ZFAND6: variants seen among roughly 807,000 people sequenced by gnomAD.
The protein encoded by ZFAND6 is zinc finger AN1-type containing 6.
A neutral mutation model predicts 24.5 loss-of-function variants in ZFAND6; 12 were observed. The ratio of observed to expected loss-of-function variants is 0.49; its 90% confidence interval spans 0.31 to 0.79. The LOEUF (loss-of-function observed/expected upper bound fraction) is 0.79. Ranked by LOEUF, ZFAND6 falls within the 30% of genes least tolerant of loss-of-function variation. The pLI is 0.04. For synonymous variants in ZFAND6, 92 were observed against 81.5 expected, an observed-to-expected ratio of 1.13 and a Z score of -0.69; for missense variants, 207 against 245.9, an observed-to-expected ratio of 0.84 and a Z score of 1.06.
intron 1 of ZFAND6, among the ~76,000 whole-genome samples, chr15:80,077,697 CTTTTT>C (rs11441423): frequency 1.7e-5 from 2 of 115,306 alleles, no homozygotes; most frequent in Non-Finnish European, 3.4e-5. Context: ...AGTTTTCTTT[CTTTTT>C]TTTTTTTTTT....
chr15:80,121,779 C>T lies in ZFAND6; in HGVS notation c.222C>T (p.Ala74=). ...VQCTDGSVPE[A]QSALDSTSSS... ...GCACAGATGGCAGTGTGCCAGAAGC[C>T]CAGTCAGCATTAGACTCTACATCTT... is the stretch of plus-strand genomic sequence containing the variant. The change falls in exon 4 of 7, where the codon GCC becomes GCT. Residue 74 remains alanine (A), a synonymous_variant. Coordinates refer to ENST00000261749, the MANE Select transcript of ZFAND6 (RefSeq NM_019006.4). 6.2e-7 allele frequency: 1 copy of T among 1,613,744 alleles called. No homozygotes were observed. Among genetic ancestry groups the T allele is most frequent in the Admixed American group, 1.7e-5 (1 of 60,002 alleles).
chr15:80,075,472 C>T (rs2037220222), intron 1 of ZFAND6, among the ~76,000 whole-genome samples: 1 of 151,816 alleles, frequency 6.6e-6, no homozygotes, highest in Non-Finnish European at 1.5e-5. Flanking sequence ...TTTTTGGTTT[C>T]CTAGGGAGAG....
chr15:80,086,752 C>A (rs926696641), intron 1 of ZFAND6, among the ~76,000 whole-genome samples: 11 of 152,162 alleles, frequency 7.2e-5, no homozygotes, highest in African/African-American at 2.4e-4. Flanking sequence ...TAACTATTAC[C>A]ACTTTCCATC....
intron 2 of ZFAND6, among the ~76,000 whole-genome samples, chr15:80,099,360 A>G (rs1035208593): frequency 1.3e-5 from 2 of 152,110 alleles, no homozygotes; most frequent in Non-Finnish European, 2.9e-5. Flanking sequence ...GTTTGTACAG[A>G]TGGAGTGATT....
chr15:80,114,163 A>G (rs1338482465), intron 2 of ZFAND6, among the ~76,000 whole-genome samples: 1 of 152,214 alleles, frequency 6.6e-6, no homozygotes, highest in Non-Finnish European at 1.5e-5. Context: ...TGTGCCACAC[A>G]CTATTTGGAT....
intron 2 of ZFAND6, among the ~76,000 whole-genome samples, chr15:80,110,081 G>A (rs1256856424): frequency 6.6e-6 from 1 of 152,162 alleles, no homozygotes; most frequent in Non-Finnish European, 1.5e-5. Flanking sequence ...ATGGCCCTCA[G>A]CTTCTCCAGA....
chr15:80,113,250 T>C (rs1419821606), intron 2 of ZFAND6, among the ~76,000 whole-genome samples: 1 of 152,218 alleles, frequency 6.6e-6, no homozygotes, highest in Admixed American at 6.5e-5. Context: ...CCCTAGCTGA[T>C]GGGTTTTAAT....
chr15:80,082,063 C>T (rs1168419457), intron 1 of ZFAND6, among the ~76,000 whole-genome samples: 1 of 152,142 alleles, frequency 6.6e-6, no homozygotes, highest in African/African-American at 2.4e-5. Context: ...TCTGGATATG[C>T]CAACCAAAAT....
intron 1 of ZFAND6, chr15:80,060,811 A>AT: frequency 6.6e-6 from 1 of 152,470 alleles, no homozygotes; most frequent in Non-Finnish European, 1.5e-5. Flanking sequence ...AGTCCCAGCT[A>AT]CTGGGAGGCT....
intron 5 of ZFAND6, among the ~76,000 whole-genome samples, chr15:80,128,797 A>G (rs138914617): frequency 2.2e-3 from 332 of 152,284 alleles, no homozygotes; most frequent in African/African-American, 7.6e-3. Flanking sequence ...AAAAGAAACC[A>G]TTGGCCTTCT....
chr15:80,096,558 T>G (rs2038733549), intron 1 of ZFAND6, among the ~76,000 whole-genome samples: 1 of 152,256 alleles, frequency 6.6e-6, no homozygotes, highest in Non-Finnish European at 1.5e-5. Flanking sequence ...TCAAGTCATC[T>G]CTTACAGCAT....
intron 2 of ZFAND6, among the ~76,000 whole-genome samples, chr15:80,115,691 C>CTTT (rs561963751): frequency 6.9e-6 from 1 of 144,426 alleles, no homozygotes; most frequent in Non-Finnish European, 1.5e-5. Context: ...AAGACTGATT[C>CTTT]TTTTTTTTTT....
intron 1 of ZFAND6, among the ~76,000 whole-genome samples, chr15:80,089,404 T>C (rs1237462682): frequency 6.6e-6 from 1 of 151,334 alleles, no homozygotes; most frequent in Non-Finnish European, 1.5e-5. Flanking sequence ...GATTACAGGC[T>C]GTGCCACCAC....
intron 3 of ZFAND6, 106 bp downstream of exon 3, chr15:80,120,604 A>G (rs1034289727): frequency 8.5e-5 from 83 of 978,958 alleles, no homozygotes; most frequent in Non-Finnish European, 1.0e-4. Flanking sequence ...TTATATTACC[A>G]TATTCATATC....
At chr15:80,101,034 G>A (rs2038998715) in intron 2 of ZFAND6, among the ~76,000 whole-genome samples, 1 of 152,158 alleles carries the variant, frequency 6.6e-6, no homozygotes, top group Non-Finnish European at 1.5e-5. Context: ...TTGAGAGGAG[G>A]AATACTAGGT....
intron 2 of ZFAND6, among the ~76,000 whole-genome samples, chr15:80,116,447 TC>T (rs2039879990): frequency 6.6e-6 from 1 of 152,320 alleles, no homozygotes; most frequent in African/African-American, 2.4e-5. Context: ...CACTTTCCTC[TC>T]CCCCACACTT....
chr15:80,130,985 T>G (rs1008109142), intron 5 of ZFAND6, 195 bp from the exon 6 acceptor site: 1 of 423,320 alleles, frequency 2.4e-6, no homozygotes, highest in African/African-American at 2.0e-5. Context: ...TTCTAGATTA[T>G]TTTCTACATG....
At chr15:80,102,132 T>G (rs79467837) in intron 2 of ZFAND6, among the ~76,000 whole-genome samples, 1 of 151,202 alleles carries the variant, frequency 6.6e-6, no homozygotes, top group Non-Finnish European at 1.5e-5. Flanking sequence ...AAATTTATTA[T>G]AGTGTAGTTA....
intron 1 of ZFAND6, among the ~76,000 whole-genome samples, chr15:80,081,223 A>C (rs973588196): frequency 1.3e-5 from 2 of 152,194 alleles, no homozygotes; most frequent in Admixed American, 6.5e-5. Context: ...TTCAGTAACA[A>C]ATTTTTATTG....
Sources: gnomAD v4.1 joint callset for allele counts (sites outside exome capture counted in the v4.1 genomes callset) on GRCh38, gnomAD v4.1.1 for gene constraint, MANE v1.5 for transcripts, NCBI Gene and HGNC (gene_info 2026-07-23, HGNC 2026-07-21) for gene names.